Variants in MEGF10 observed in about 807,000 individuals in gnomAD.
The protein encoded by MEGF10 is multiple EGF like domains 10, also known as multiple epidermal growth factor-like domains protein 10.
A neutral mutation model predicts 147.5 loss-of-function variants in MEGF10; 86 were observed. The ratio of observed to expected loss-of-function variants is 0.58; its 90% CI spans 0.49 to 0.70. The LOEUF (loss-of-function observed/expected upper bound fraction) is 0.70, where lower values mean the gene tolerates loss of function less well. MEGF10 is among the 30% of genes least tolerant of loss of function. The pLI is 0.00. For missense variants in MEGF10, 1,329 were observed against 1,487.3 expected, an observed-to-expected ratio of 0.89 and a Z score of 1.75; for synonymous variants, 478 against 525.5, an observed-to-expected ratio of 0.91 and a Z score of 1.24.
chr5:127,246,985 A>AATATATATATAT, the MEGF10 span, among the ~76,000 whole-genome samples: 150 of 104,170 alleles, frequency 1.4e-3, 5 homozygotes, highest in African/African-American at 5.7e-3. Flanking sequence ...GTATAAAAAG[A>AATATATATATAT]ATATATATAT....
intron 9 of MEGF10, 103 bp downstream of exon 9, chr5:127,410,704 C>A: frequency 9.5e-7 from 1 of 1,048,354 alleles, no homozygotes; most frequent in Non-Finnish European, 1.4e-6. Flanking sequence ...CACCCCAAGC[C>A]CCCTCCTGCC....
At chr5:127,430,533 C>T (rs1190917614) in intron 13 of MEGF10, among the ~76,000 whole-genome samples, 1 of 152,160 alleles carries the variant, frequency 6.6e-6, no homozygotes, top group Non-Finnish European at 1.5e-5. Flanking sequence ...CCTGAAATTC[C>T]ACAATTAGAT....
chr5:127,283,459 T>A, the MEGF10 span, among the ~76,000 whole-genome samples: 138 of 152,326 alleles, frequency 9.1e-4, 5 homozygotes, highest in East Asian at 0.026. Flanking sequence ...ATGATCCCAC[T>A]CCACAGTAAG....
intron 24 of MEGF10, among the ~76,000 whole-genome samples, chr5:127,455,897 G>A (rs1445085314): frequency 2.0e-5 from 3 of 151,860 alleles, no homozygotes; most frequent in Non-Finnish European, 2.9e-5. Flanking sequence ...GCACTACCAC[G>A]CCCAGCTAAT....
At chr5:127,353,867 C>A (rs1009878987) in intron 4 of MEGF10, among the ~76,000 whole-genome samples, 1 of 152,226 alleles carries the variant, frequency 6.6e-6, no homozygotes, top group African/African-American at 2.4e-5. Context: ...GACTGGGTAA[C>A]TCACTTTATT....
chr5:127,423,466 T>A (rs931043663), intron 13 of MEGF10, among the ~76,000 whole-genome samples: 2 of 152,190 alleles, frequency 1.3e-5, no homozygotes, highest in Admixed American at 6.5e-5. Context: ...GCAAAAACAT[T>A]GTTCTTCTTC....
chr5:127,268,115 T>G, the MEGF10 span, among the ~76,000 whole-genome samples: 1 of 152,168 alleles, frequency 6.6e-6, no homozygotes, highest in Non-Finnish European at 1.5e-5. Flanking sequence ...TTCTGGTATG[T>G]TGTGTCTTTG....
chr5:127,272,053 A>C, the MEGF10 span, among the ~76,000 whole-genome samples: 1 of 151,914 alleles, frequency 6.6e-6, no homozygotes, highest in African/African-American at 2.4e-5. Flanking sequence ...GAGTTTTTAT[A>C]GTTTTGGGTT....
chr5:127,295,645 T>C (rs1034699948), intron 1 of MEGF10, among the ~76,000 whole-genome samples: 4 of 152,102 alleles, frequency 2.6e-5, no homozygotes, highest in African/African-American at 9.7e-5. Flanking sequence ...ATAAACAACA[T>C]AAAAAGTTCA....
intron 4 of MEGF10, among the ~76,000 whole-genome samples, chr5:127,368,190 T>G (rs185146150): frequency 1.2e-4 from 18 of 152,294 alleles, no homozygotes; most frequent in East Asian, 1.2e-3. Flanking sequence ...AGGGCCAGTG[T>G]GTTCATATGT....
At position 127,379,064 on chromosome 5, in the gene MEGF10, CTTTTTT is replaced by C. The variant is rs35798578; in HGVS notation, c.412+9075_412+9080del. ...CACTTCATATCATTCATTGATTTTT[CTTTTTT>C]TTTTTTTTTTTTGATACTTGGTGCA... On this transcript the variant is annotated intron_variant, in intron 5 of 24. Transcript: ENST00000503335. 4.6e-4 allele frequency among the ~76,000 whole-genome samples: 56 copies of C among 121,472 alleles called. 2 individuals carry two copies. The highest frequency in any genetic ancestry group is 1.7e-3 in the African/African-American group (55 of 33,074). 79.7% of individuals were successfully genotyped at this position (121,472 alleles called of 152,430 possible). A position where few individuals can be genotyped will look rare whatever the true frequency, so the allele number is the denominator to read the frequency against.
At position 127,422,665 on chromosome 5, in the gene MEGF10, T is replaced by C. The variant is rs1765058228; in HGVS notation, c.1591-5T>C. ...TTGCTGCCTTTGATGCTGTTTTCCA[T>C]GCAGGATGGCACGTACGGGCTGAAC... On this transcript the variant is annotated splice_polypyrimidine_tract_variant and splice_region_variant and intron_variant, in intron 12 of 24. Coordinates refer to ENST00000503335, the MANE Select transcript of MEGF10 (RefSeq NM_001256545.2). 6.2e-7 allele frequency: 1 copy of C among 1,613,382 alleles called. No homozygotes were observed. The highest frequency in any genetic ancestry group is 8.5e-7 in the Non-Finnish European group (1 of 1,179,302).
intron 1 of MEGF10, among the ~76,000 whole-genome samples, chr5:127,308,719 G>A (rs930425766): frequency 2.6e-5 from 4 of 151,882 alleles, no homozygotes; most frequent in African/African-American, 7.3e-5. Flanking sequence ...GTTGTGGGGT[G>A]GGGGGAAGGG....
chr5:127,412,284 G>A (rs6894205), intron 9 of MEGF10, among the ~76,000 whole-genome samples: 1,693 of 152,078 alleles, frequency 0.011, 27 homozygotes, highest in African/African-American at 0.039. Context: ...TAGCTTTTAC[G>A]AATTTCTATT....
At chr5:127,314,598 G>C (rs1026454692) in intron 1 of MEGF10, among the ~76,000 whole-genome samples, 1 of 152,196 alleles carries the variant, frequency 6.6e-6, no homozygotes, top group African/African-American at 2.4e-5. Flanking sequence ...ATTGCAAAGA[G>C]AGAAGTAAGT....
At chr5:127,445,836 A>G in intron 20 of MEGF10, 143 bp downstream of exon 20, 1 of 675,664 alleles carries the variant, frequency 1.5e-6, no homozygotes, top group Non-Finnish European at 2.6e-6. Context: ...AAAGGTATAC[A>G]TTGCTAGAGA....
the MEGF10 span, among the ~76,000 whole-genome samples, chr5:127,234,645 C>T: frequency 1.3e-5 from 2 of 152,150 alleles, no homozygotes; most frequent in South Asian, 4.1e-4. Context: ...AATTTCCCTC[C>T]ATTCACATAG....
chr5:127,230,849 A>T, the MEGF10 span, among the ~76,000 whole-genome samples: 2 of 151,054 alleles, frequency 1.3e-5, no homozygotes, highest in Non-Finnish European at 2.9e-5. Context: ...TTGTGTCCTA[A>T]TAACCCAATA....
chr5:127,384,633 A>T (rs1359451518), intron 5 of MEGF10, among the ~76,000 whole-genome samples: 1 of 152,252 alleles, frequency 6.6e-6, no homozygotes, highest in African/African-American at 2.4e-5. Flanking sequence ...AGTTCATTTA[A>T]CAAACATTTT....
Sources: allele counts gnomAD v4.1 joint callset (sites outside exome capture counted in the v4.1 genomes callset), GRCh38; gene constraint gnomAD v4.1.1; transcripts MANE v1.5; gene names NCBI Gene and HGNC (gene_info 2026-07-23, HGNC 2026-07-21).